SLC25A21: variants seen among roughly 807,000 people sequenced by gnomAD.
SLC25A21 encodes solute carrier family 25 member 21, also known as mitochondrial 2-oxodicarboxylate carrier.
SLC25A21 carries 47 observed loss-of-function variants against 43.8 expected under a neutral mutation model. The observed-to-expected ratio is 1.07, with a 90% CI of 0.85 to 1.37. The LOEUF is 1.37. Ranked by LOEUF, SLC25A21 falls within the 40% of genes most tolerant of loss-of-function variation. The pLI, the probability that SLC25A21 is intolerant of heterozygous loss-of-function variation, is 0.00. For missense variants in SLC25A21, 352 were observed against 350.2 expected (o/e 1.00, Z -0.04); for synonymous variants, 131 against 121.3 (o/e 1.08, Z -0.52).
chr14:36,854,940 G>C (rs186823273), intron 2 of SLC25A21, among the ~76,000 whole-genome samples: 9 of 150,632 alleles, frequency 6.0e-5, no homozygotes, highest in East Asian at 2.0e-4. Flanking sequence ...AGGTGGGGGG[G>C]GGTATTCTGC....
intron 3 of SLC25A21, among the ~76,000 whole-genome samples, chr14:36,765,720 AAG>A (rs1886388136): frequency 6.6e-6 from 1 of 152,176 alleles, no homozygotes; most frequent in Non-Finnish European, 1.5e-5. Context: ...GTATGTTTCA[AAG>A]GATCTTGAAA....
chr14:37,122,640 T>TGTG (rs1566897046), intron 1 of SLC25A21, among the ~76,000 whole-genome samples: 1 of 151,922 alleles, frequency 6.6e-6, no homozygotes. Context: ...TACGATATAG[T>TGTG]ATGAGTACAA....
chr14:36,701,150 T>C (rs1883261967), intron 7 of SLC25A21, among the ~76,000 whole-genome samples: 1 of 152,224 alleles, frequency 6.6e-6, no homozygotes, highest in African/African-American at 2.4e-5. Context: ...AAAAACATTT[T>C]CCTCCCAATG....
intron 3 of SLC25A21, among the ~76,000 whole-genome samples, chr14:36,793,061 A>G (rs796218678): frequency 2.0e-5 from 3 of 152,144 alleles, no homozygotes; most frequent in African/African-American, 7.2e-5. Flanking sequence ...CTTTTTTATT[A>G]TTTTTCCTAA....
intron 1 of SLC25A21, among the ~76,000 whole-genome samples, chr14:37,105,207 GTAA>G (rs1385187718): frequency 2.6e-5 from 4 of 152,300 alleles, no homozygotes; most frequent in African/African-American, 9.6e-5. Flanking sequence ...AGGCAGGTAA[GTAA>G]TAATGCCAAT....
chr14:36,864,400 T>C (rs1344812140), intron 2 of SLC25A21, among the ~76,000 whole-genome samples: 3 of 152,196 alleles, frequency 2.0e-5, no homozygotes, highest in African/African-American at 7.2e-5. Context: ...TTGTGCCCTG[T>C]TTTTATTTGA....
At chr14:36,921,894 C>T (rs2138625243) in intron 1 of SLC25A21, among the ~76,000 whole-genome samples, 1 of 152,190 alleles carries the variant, frequency 6.6e-6, no homozygotes, top group South Asian at 2.1e-4. Flanking sequence ...CCTGTAAACC[C>T]AGCACTTTGG....
chr14:37,103,615 T>G (rs1962857639), intron 1 of SLC25A21, among the ~76,000 whole-genome samples: 1 of 152,218 alleles, frequency 6.6e-6, no homozygotes, highest in Non-Finnish European at 1.5e-5. Context: ...ATTCAAATTC[T>G]TCCAAGATCC....
intron 2 of SLC25A21, among the ~76,000 whole-genome samples, chr14:36,865,098 G>A (rs1047554224): frequency 1.1e-4 from 16 of 149,716 alleles, no homozygotes; most frequent in East Asian, 3.9e-4. Context: ...CTGCTGTTCC[G>A]TTGGCCCAAC....
At chr14:36,940,864 A>G (rs1892538226) in intron 1 of SLC25A21, among the ~76,000 whole-genome samples, 1 of 152,152 alleles carries the variant, frequency 6.6e-6, no homozygotes, top group African/African-American at 2.4e-5. Flanking sequence ...GAAACTGGAG[A>G]AAAGTACTGT....
At chr14:36,756,270 T>C (rs965189522) in intron 3 of SLC25A21, among the ~76,000 whole-genome samples, 3 of 152,204 alleles carry the variant, frequency 2.0e-5, no homozygotes, top group Non-Finnish European at 4.4e-5. Flanking sequence ...CTGGTGCCAG[T>C]TGGAGCTGGA....
chr14:37,135,759 T>C (rs1310031933), intron 1 of SLC25A21, among the ~76,000 whole-genome samples: 1 of 152,238 alleles, frequency 6.6e-6, no homozygotes, highest in African/African-American at 2.4e-5. Context: ...GTGAGAGCTC[T>C]GAAGCCAAAT....
At chr14:37,036,823 G>A (rs1157174541) in intron 1 of SLC25A21, among the ~76,000 whole-genome samples, 3 of 152,188 alleles carry the variant, frequency 2.0e-5, no homozygotes, top group African/African-American at 7.2e-5. Flanking sequence ...CATCAGGGGA[G>A]AAGAAAGCCT....
At chr14:36,711,266 A>G (rs950198977) in intron 7 of SLC25A21, 52 bp downstream of exon 7, 65 of 1,541,000 alleles carry the variant, frequency 4.2e-5, no homozygotes, top group Admixed American at 1.4e-4. Context: ...AAACGGAGCT[A>G]TCATCACTGA....
At chr14:37,135,968 T>C (rs1032597669) in intron 1 of SLC25A21, among the ~76,000 whole-genome samples, 3 of 152,228 alleles carry the variant, frequency 2.0e-5, no homozygotes, top group African/African-American at 7.2e-5. Context: ...ATCACTTATA[T>C]AGTGATAGTT....
intron 1 of SLC25A21, among the ~76,000 whole-genome samples, chr14:37,044,936 C>A (rs1176970309): frequency 6.6e-6 from 1 of 152,142 alleles, no homozygotes; most frequent in Admixed American, 6.5e-5. Flanking sequence ...CTGAAGAAAT[C>A]TTTTCTCTTT....
At chr14:37,035,909 T>C (rs1216372977) in intron 1 of SLC25A21, among the ~76,000 whole-genome samples, 1 of 152,256 alleles carries the variant, frequency 6.6e-6, no homozygotes, top group African/African-American at 2.4e-5. Context: ...TTATGTCATA[T>C]ACCACCAGCA....
intron 1 of SLC25A21, among the ~76,000 whole-genome samples, chr14:37,056,307 A>C (rs6571774): frequency 1.3e-5 from 2 of 151,554 alleles, no homozygotes; most frequent in African/African-American, 4.9e-5. Flanking sequence ...TGGCTAACAC[A>C]GTGAAACCCC....
intron 1 of SLC25A21, among the ~76,000 whole-genome samples, chr14:36,903,658 T>C (rs935231589): frequency 5.4e-5 from 7 of 129,356 alleles, no homozygotes; most frequent in African/African-American, 1.9e-4. Context: ...TCGCCAAAAT[T>C]TAAAAATCAG....
Sources: allele counts gnomAD v4.1 joint callset (sites outside exome capture counted in the v4.1 genomes callset), GRCh38; gene constraint gnomAD v4.1.1; transcripts MANE v1.5; gene names NCBI Gene and HGNC (gene_info 2026-07-23, HGNC 2026-07-21).